The following CASQ2 variants were observed in gnomAD, a reference collection of about 807,000 sequenced individuals.
The protein encoded by CASQ2 is calsequestrin-2.
In CASQ2, 49 loss-of-function variants were observed where a neutral mutation model predicts 46.5. The observed-to-expected ratio is 1.05, with a 90% confidence interval of 0.84 to 1.34. The LOEUF (loss-of-function observed/expected upper bound fraction) is 1.34, where lower values mean the gene tolerates loss of function less well. Ranked by LOEUF, CASQ2 falls within the 40% of genes most tolerant of loss-of-function variation. CASQ2 has a pLI of 0.00. For missense variants in CASQ2, 486 were observed against 481.3 expected (o/e 1.01, Z -0.09); for synonymous variants, 174 against 168.5 (o/e 1.03, Z -0.25).
chr1:115,727,253 T>C (rs1296027520), intron 5 of CASQ2, 131 bp from the exon 6 acceptor site: 6 of 714,284 alleles, frequency 8.4e-6, no homozygotes, highest in Non-Finnish European at 1.5e-5. Context: ...TTAACTTCAA[T>C]GTTGAAGTGA....
At chr1:115,716,663 C>A (rs1270090370) in intron 8 of CASQ2, among the ~76,000 whole-genome samples, 1 of 152,122 alleles carries the variant, frequency 6.6e-6, no homozygotes, top group Admixed American at 6.5e-5. Context: ...TTCTTGAAAG[C>A]ATCTCCAAAA....
intron 1 of CASQ2, 45 bp downstream of exon 1, chr1:115,768,263 C>T (rs756531662): frequency 2.6e-5 from 32 of 1,249,626 alleles, no homozygotes; most frequent in Non-Finnish European, 3.8e-5. Flanking sequence ...ATTCCCTCGG[C>T]ACCTCACTGA....
intron 3 of CASQ2, among the ~76,000 whole-genome samples, chr1:115,739,880 G>A (rs2101094554): frequency 6.6e-6 from 1 of 152,340 alleles, no homozygotes; most frequent in South Asian, 2.1e-4. Flanking sequence ...AGCTGGGGCA[G>A]CACCATGCTG....
In CASQ2 at chr1:115,726,991, C is replaced by T. The variant is rs753636068; in HGVS notation, c.737+1G>A. The T allele has an allele frequency of 3.7e-6, 6 of 1,610,332 alleles. No individual in the cohort carries two copies. Among genetic ancestry groups the T allele is most frequent in the Non-Finnish European group, 5.1e-6 (6 of 1,177,804 alleles). ...CAGCCCCCACATGCCATCTCAGGCA[C>T]CTTTGGTGTTCCTTCACAAACTCCA... is the stretch of plus-strand genomic sequence containing the variant. On this transcript the variant is annotated splice_donor_variant, in intron 6 of 10. Transcript: ENST00000261448. LOFTEE classifies it high-confidence loss of function.
intron 8 of CASQ2, among the ~76,000 whole-genome samples, chr1:115,715,253 A>T (rs1183193776): frequency 6.6e-6 from 1 of 152,226 alleles, no homozygotes; most frequent in Non-Finnish European, 1.5e-5. Flanking sequence ...AACCCACTGA[A>T]ACCACACTAG....
chr1:115,761,619 T>G (rs1298515872), intron 1 of CASQ2, among the ~76,000 whole-genome samples: 1 of 151,138 alleles, frequency 6.6e-6, no homozygotes, highest in African/African-American at 2.4e-5. Flanking sequence ...CGCTAAAGTT[T>G]ACTTTTTATT....
chr1:115,768,623 C>G lies in CASQ2; in HGVS notation c.-82G>C, dbSNP rs1649211265. 3 of 895,014 alleles carry G rather than the reference C, an allele frequency of 3.4e-6. No individual in the cohort carries two copies. In the East Asian group the frequency reaches 7.8e-5, roughly 23 times the overall value. The allele number at this position is 895,014 out of a possible 1,614,324, so 55.4% of individuals were successfully genotyped here. On this transcript the variant is annotated 5_prime_UTR_variant, in exon 1 of 11. Coordinates refer to ENST00000261448, the MANE Select transcript of CASQ2 (RefSeq NM_001232.4). ...AAGACTGTTAGAGGCCTTGTTGAGC[C>G]AAGGAGAGAGCAGACAGGCTGATTT...
intron 5 of CASQ2, 150 bp from the exon 6 acceptor site, chr1:115,727,272 T>TATC (rs1647628656): frequency 2.1e-5 from 14 of 668,006 alleles, no homozygotes; most frequent in Non-Finnish European, 3.5e-5. Context: ...GACAGGAACT[T>TATC]ATCACCCAAG....
At chr1:115,731,905 T>G (rs1647798736) in intron 5 of CASQ2, among the ~76,000 whole-genome samples, 1 of 152,138 alleles carries the variant, frequency 6.6e-6, no homozygotes, top group Non-Finnish European at 1.5e-5. Flanking sequence ...TTTTTTGAAT[T>G]TATTATTTTT....
chr1:115,710,224 A>G (rs184181881), intron 8 of CASQ2, among the ~76,000 whole-genome samples: 95 of 152,320 alleles, frequency 6.2e-4, no homozygotes, highest in Middle Eastern at 3.4e-3. Flanking sequence ...TGTCTATTGA[A>G]CACTTACTGG....
At chr1:115,726,234 T>C (rs1380631402) in intron 6 of CASQ2, among the ~76,000 whole-genome samples, 2 of 152,190 alleles carry the variant, frequency 1.3e-5, no homozygotes, top group African/African-American at 2.4e-5. Flanking sequence ...TCCACTACCA[T>C]GTTCCATATT....
intron 8 of CASQ2, among the ~76,000 whole-genome samples, chr1:115,714,646 C>T (rs1654643076): frequency 6.6e-6 from 1 of 152,224 alleles, no homozygotes; most frequent in East Asian, 1.9e-4. Flanking sequence ...ATTCCTAGTC[C>T]TGCAGTCAGG....
intron 3 of CASQ2, among the ~76,000 whole-genome samples, chr1:115,739,780 A>G (rs906732782): frequency 6.6e-6 from 1 of 152,204 alleles, no homozygotes; most frequent in African/African-American, 2.4e-5. Context: ...GTCTCCTCTA[A>G]CTAGAGCCTT....
At chr1:115,752,532 C>T (rs1284565700) in intron 1 of CASQ2, among the ~76,000 whole-genome samples, 4 of 151,926 alleles carry the variant, frequency 2.6e-5, no homozygotes, top group Admixed American at 6.6e-5. Flanking sequence ...TGTGGATAGG[C>T]GGAGGGGGCT....
chr1:115,723,942 T>C (rs1322729796), intron 7 of CASQ2, among the ~76,000 whole-genome samples: 1 of 152,276 alleles, frequency 6.6e-6, no homozygotes, highest in Non-Finnish European at 1.5e-5. Context: ...CTGGATTATT[T>C]ACCCTTTGGT....
intron 7 of CASQ2, among the ~76,000 whole-genome samples, chr1:115,722,683 C>T (rs1197056979): frequency 6.6e-6 from 1 of 152,150 alleles, no homozygotes; most frequent in Non-Finnish European, 1.5e-5. Flanking sequence ...TAATGACTCT[C>T]AATTTAAAGT....
At position 115,768,498 on chromosome 1, in the gene CASQ2, G is replaced by C. The variant is rs185539994; in HGVS notation, c.44C>G (p.Ser15Cys). 2.5e-5 allele frequency: 41 copies of C among 1,613,704 alleles called. No individual in the cohort carries two copies. Among genetic ancestry groups the C allele is most frequent in the Admixed American group, 6.7e-5 (4 of 60,022 alleles). The change falls in exon 1 of 11, where the codon TCC becomes TGC. Residue 15 changes from serine to cysteine, a missense_variant. Transcript: ENST00000261448. ...AAGCCCCTCTTCTGCCCTGCAAGAG[G>C]ACAGAAAATAAATCCCCACAATAAA... ...HLFIVGIYFL[S>C]SCRAEEGLNF...
intron 1 of CASQ2, among the ~76,000 whole-genome samples, chr1:115,746,072 A>G (rs1648375678): frequency 6.6e-6 from 1 of 152,108 alleles, no homozygotes; most frequent in South Asian, 2.1e-4. Context: ...AAATGGAATT[A>G]TATAGTATGT....
Position 115,738,748 on chromosome 1 carries a change from A to G in CASQ2, c.421-413T>C, listed in dbSNP as rs372437871. On this transcript the variant is annotated intron_variant, in intron 3 of 10. Coordinates refer to ENST00000261448, the MANE Select transcript of CASQ2 (RefSeq NM_001232.4). ...GAGAACATTTGAAATTTACTCTTTT[A>G]GTGATTTTGAAATATGTAATACATA... 1.2e-4 allele frequency among the ~76,000 whole-genome samples: 18 copies of G among 152,296 alleles called. No individual in the cohort carries two copies. The South Asian group carries it at 2.7e-3, about 23-fold the overall frequency.
Sources: allele counts gnomAD v4.1 joint callset (sites outside exome capture counted in the v4.1 genomes callset), GRCh38; gene constraint gnomAD v4.1.1; transcripts MANE v1.5; gene names NCBI Gene and HGNC (gene_info 2026-07-23, HGNC 2026-07-21).